ZNF846: variants seen among roughly 807,000 people sequenced by gnomAD.
The protein encoded by ZNF846 is zinc finger protein 420 pseudogene.
ZNF846 carries 15 observed loss-of-function variants against 16.0 expected under a neutral mutation model. The observed-to-expected ratio is 0.94, with a 90% CI of 0.63 to 1.45. ZNF846 has a LOEUF of 1.45. Among genes scored for constraint, ZNF846 ranks in the 40% most tolerant of loss-of-function variants. The pLI is 0.00. For synonymous variants in ZNF846, 229 were observed against 212.0 expected, an observed-to-expected ratio of 1.08 and a Z score of -0.70; for missense variants, 714 against 622.3, an observed-to-expected ratio of 1.15 and a Z score of -1.57.
intron 1 of ZNF846, among the ~76,000 whole-genome samples, chr19:9,775,159 T>A (rs1294129908): frequency 6.6e-6 from 1 of 151,266 alleles, no homozygotes; most frequent in Non-Finnish European, 1.5e-5. Context: ...ATCTAAGATG[T>A]TTTAAATATA....
chr19:9,757,618 A>C, exon 6 of ZNF846: 1 of 1,613,630 alleles, frequency 6.2e-7, no homozygotes, highest in Non-Finnish European at 8.5e-7. Context: ...GAATACCTGA[A>C]GGCTTTCCCA....
In ZNF846 at chr19:9,785,696, C is replaced by T. The variant is rs187129771; in HGVS notation, c.-86+242G>A. ...TCTCCCCCTCACCGAGACTCCGCCC[C>T]CGTCTCTCCCTCACCCAGACCCCGC... is the stretch of plus-strand genomic sequence containing the variant. On this transcript the variant is annotated intron_variant, in intron 1 of 4. Transcript: ENST00000586814. Among the ~76,000 whole-genome samples, 20 of 83,488 alleles carry T rather than the reference C, an allele frequency of 2.4e-4. No individual in the cohort carries two copies. In the East Asian group the frequency reaches 6.9e-3, roughly 29 times the overall value. The allele number at this position is 83,488 out of a possible 152,430, so 54.8% of individuals were successfully genotyped here.
chr19:9,777,883 A>T (rs1184578919), intron 1 of ZNF846, among the ~76,000 whole-genome samples: 1 of 152,136 alleles, frequency 6.6e-6, no homozygotes, highest in East Asian at 1.9e-4. Context: ...TGACACTGGC[A>T]GCTATTGTGA....
chr19:9,761,621 G>A (rs898180016), intron 4 of ZNF846, among the ~76,000 whole-genome samples: 1 of 151,550 alleles, frequency 6.6e-6, no homozygotes, highest in African/African-American at 2.4e-5. Flanking sequence ...TGAGGCAGGA[G>A]AATTGCTTGA....
upstream of ZNF846, among the ~76,000 whole-genome samples, chr19:9,773,059 TAAAGA>T (rs551452545): frequency 1.2e-4 from 18 of 151,932 alleles, no homozygotes; most frequent in Admixed American, 2.6e-4. Flanking sequence ...AGACCTTGTC[TAAAGA>T]AAAGAAAAGA....
At chr19:9,783,240 TTTTTTTG>T (rs2045520793) in intron 1 of ZNF846, among the ~76,000 whole-genome samples, 1 of 133,302 alleles carries the variant, frequency 7.5e-6, no homozygotes, top group Admixed American at 7.5e-5. Flanking sequence ...TTTTTTTTTT[TTTTTTTG>T]AGATGGAGTC....
At chr19:9,763,785 A>G (rs1283155653) in intron 2 of ZNF846, among the ~76,000 whole-genome samples, 1 of 152,254 alleles carries the variant, frequency 6.6e-6, no homozygotes, top group Non-Finnish European at 1.5e-5. Flanking sequence ...ACAATCTGTC[A>G]TAACACTCAG....
At chr19:9,756,349 A>ATATGTG (rs2045136222), downstream of ZNF846, 1 of 31,234 alleles carries the variant, frequency 3.2e-5, no homozygotes, top group South Asian at 1.3e-3. Flanking sequence ...GTGTGTGTAT[A>ATATGTG]TATATATATA....
chr19:9,772,755 C>G (rs1473391358), upstream of ZNF846, among the ~76,000 whole-genome samples: 4 of 152,036 alleles, frequency 2.6e-5, no homozygotes, highest in Non-Finnish European at 4.4e-5. Flanking sequence ...CATAAAACAG[C>G]AGTATTAGTG....
intron 1 of ZNF846, among the ~76,000 whole-genome samples, chr19:9,779,141 T>C (rs1054553529): frequency 3.3e-5 from 5 of 152,200 alleles, no homozygotes; most frequent in African/African-American, 1.2e-4. Flanking sequence ...TTGAATAGAA[T>C]GCTCATGTGA....
upstream of ZNF846, chr19:9,768,791 A>T (rs941218642): frequency 6.6e-6 from 1 of 152,334 alleles, no homozygotes; most frequent in Non-Finnish European, 1.5e-5. Flanking sequence ...CATTAAGTGT[A>T]GGGGCCGAGC....
At chr19:9,778,075 A>T (rs890756680) in intron 1 of ZNF846, among the ~76,000 whole-genome samples, 1 of 152,156 alleles carries the variant, frequency 6.6e-6, no homozygotes, top group Non-Finnish European at 1.5e-5. Flanking sequence ...AAGAAAAAAT[A>T]AATAAATATA....
At chr19:9,774,650 A>T in intron 1 of ZNF846, 1 of 1,456,792 alleles carries the variant, frequency 6.9e-7, no homozygotes, top group Non-Finnish European at 9.6e-7. Flanking sequence ...GGTGACCTTC[A>T]GAATCGAAAT....
chr19:9,749,707 T>A (rs1182039945), downstream of ZNF846, among the ~76,000 whole-genome samples: 3 of 152,130 alleles, frequency 2.0e-5, no homozygotes, highest in Non-Finnish European at 4.4e-5. Context: ...TTGTTGGCTA[T>A]GCATTTCCCT....
At chr19:9,753,812 T>C (rs1487137694), downstream of ZNF846, among the ~76,000 whole-genome samples, 1 of 151,770 alleles carries the variant, frequency 6.6e-6, no homozygotes, top group African/African-American at 2.4e-5. Context: ...AAGATTTGTT[T>C]TGTGGCCTAA....
intron 1 of ZNF846, among the ~76,000 whole-genome samples, chr19:9,767,926 T>G (rs1568326614): frequency 3.3e-5 from 5 of 152,060 alleles, no homozygotes. Flanking sequence ...AGAGCGAAAC[T>G]CCGTCTCAAA....
Position 9,757,875 on chromosome 19 carries a change from T to G in ZNF846, c.1202A>C (p.Lys401Thr), listed in dbSNP as rs770006281. The G allele has an allele frequency of 3.7e-6, 6 of 1,613,284 alleles. No individual in the cohort carries two copies. The African/African-American group carries it at 5.4e-5, about 14-fold the overall frequency. The change falls in exon 6 of 6, where the codon AAA becomes ACA. Residue 401 changes from lysine to threonine, a missense_variant. Transcript: ENST00000397902. Reference sequence around the variant, plus strand: ...AAGCATTGAGGAATTATTAAAGGCTTTCCCACATTCTTTACATTCATAGGG... The same window carrying G: ...AAGCATTGAGGAATTATTAAAGGCTGTCCCACATTCTTTACATTCATAGGG...
chr19:9,771,189 T>G (rs191042955), upstream of ZNF846, among the ~76,000 whole-genome samples: 1 of 152,228 alleles, frequency 6.6e-6, no homozygotes, highest in South Asian at 2.1e-4. Context: ...TGTTTTGTTT[T>G]GTTTTTTCTT....
At chr19:9,764,721 G>A in intron 2 of ZNF846, 2 of 586,916 alleles carry the variant, frequency 3.4e-6, no homozygotes. Flanking sequence ...GAGCCCCGTT[G>A]CACTGTGGGC....
Sources: gnomAD v4.1 joint callset for allele counts (sites outside exome capture counted in the v4.1 genomes callset) on GRCh38, gnomAD v4.1.1 for gene constraint, MANE v1.5 for transcripts, NCBI Gene and HGNC (gene_info 2026-07-23, HGNC 2026-07-21) for gene names.